Variants in PLP1 observed in about 807,000 individuals in gnomAD.
PLP1 encodes the protein proteolipid protein 1.
PLP1 carries 2 observed loss-of-function variants against 18.5 expected under a neutral mutation model. The ratio of observed to expected loss-of-function variants is 0.11; its 90% CI spans 0.04 to 0.34. PLP1 has a LOEUF of 0.34. Ranked by LOEUF, PLP1 falls within the 10% of genes least tolerant of loss-of-function variation. The probability of loss-of-function intolerance (pLI) is 1.00; values close to 1 mark genes in which losing one functional copy is unlikely to be tolerated. For synonymous variants in PLP1, 86 were observed against 83.2 expected (o/e 1.03, Z -0.19); for missense variants, 105 against 207.3 (o/e 0.51, Z 3.03).
chrX:103,792,348 A>G lies in PLP1; in HGVS notation c.*1750A>G, dbSNP rs183259017. ...AGGGAAAATGTTTTGTAAGAAACCA[A>G]TCAAGATAAAGGACAGTGAAGTAAT... On this transcript the variant is annotated 3_prime_UTR_variant, in exon 7 of 7. Coordinates refer to ENST00000621218, the MANE Select transcript of PLP1 (RefSeq NM_000533.5). 6.2e-5 allele frequency: 7 copies of G among 112,632 alleles called. No homozygotes were observed. Among genetic ancestry groups the G allele is most frequent in the East Asian group, 2.8e-4 (1 of 3,600 alleles). The allele number at this position is 112,632 out of a possible 1,213,427, so 9.3% of individuals were successfully genotyped here. A position where few individuals can be genotyped will look rare whatever the true frequency, so the allele number is the denominator to read the frequency against.
At position 103,790,150 on chromosome X, in the gene PLP1, A is replaced by C. The variant is rs771323991; in HGVS notation, c.763-377A>C. ...ATTAACCAGGGGAGAGCTCTACTGC[A>C]TGATGTGGCTGTGTGTCTACAGCAA... is the stretch of plus-strand genomic sequence containing the variant. On this transcript the variant is annotated intron_variant, in intron 6 of 6. Coordinates refer to ENST00000621218, the MANE Select transcript of PLP1 (RefSeq NM_000533.5). Among the ~76,000 whole-genome samples the C allele has an allele frequency of 5.9e-4, 66 of 112,668 alleles. 1 individual carries two copies. The highest frequency in any genetic ancestry group is 3.2e-4 in the Non-Finnish European group (17 of 53,324).
At chrX:103,777,148 G>A in intron 1 of PLP1, 149 bp downstream of exon 1, 1 of 541,699 alleles carries the variant, frequency 1.8e-6, no homozygotes. Flanking sequence ...CATTCAGTTA[G>A]ATTAACTCCT....
At chrX:103,789,173 C>A in intron 5 of PLP1, 160 bp from the exon 6 acceptor site, 2 of 513,133 alleles carry the variant, frequency 3.9e-6, no homozygotes, top group Non-Finnish European at 7.0e-6. Flanking sequence ...ACACTGAAGA[C>A]TGGGAGGCCC....
intron 1 of PLP1, chrX:103,780,379 C>T (rs182623199): frequency 9.0e-6 from 1 of 111,588 alleles, no homozygotes; most frequent in Admixed American, 9.5e-5. Flanking sequence ...AAAGTCCTAC[C>T]TCAGCTTCCC....
chrX:103,788,974 A>T (rs917213805), intron 5 of PLP1: 1 of 319,431 alleles, frequency 3.1e-6, no homozygotes. Flanking sequence ...TTATATACAA[A>T]TGAGGCAGGG....
intron 6 of PLP1, among the ~76,000 whole-genome samples, chrX:103,790,175 A>C (rs1325972078): frequency 8.9e-6 from 1 of 112,430 alleles, no homozygotes; most frequent in East Asian, 2.8e-4. Context: ...GTCTACAGCA[A>C]GCACCCTATG....
chrX:103,789,108 A>C, intron 5 of PLP1: 1 of 454,017 alleles, frequency 2.2e-6, no homozygotes, highest in South Asian at 3.1e-5. Flanking sequence ...GGAGTACTGT[A>C]CTATTTCATG....
Position 103,787,651 on chromosome X carries a change from G to A in PLP1, c.454-147G>A. On this transcript the variant is annotated intron_variant, in intron 3 of 6. Transcript: ENST00000621218. The stretch of plus-strand genomic sequence containing the variant: ...GATACTGCCAATTACCCTTGGCAGA[G>A]GTGCCCTGCTCACTAATTTCATTTG... The A allele has an allele frequency of 9.2e-6, 5 of 544,006 alleles. No individual in the cohort carries two copies. The South Asian group carries it at 1.2e-4, about 13-fold the overall frequency. The allele number at this position is 544,006 out of a possible 1,213,427, so 44.8% of individuals were successfully genotyped here. A position where few individuals can be genotyped will look rare whatever the true frequency, so the allele number is the denominator to read the frequency against.
chrX:103,785,949 G>A (rs190126062), intron 2 of PLP1, 181 bp downstream of exon 2: 25 of 705,640 alleles, frequency 3.5e-5, no homozygotes, highest in African/African-American at 1.3e-4. Flanking sequence ...TCAGAAAGGA[G>A]GGGTCTGCCT....
chrX:103,785,268 G>T (rs1035295934), intron 1 of PLP1, among the ~76,000 whole-genome samples: 17 of 111,555 alleles, frequency 1.5e-4, no homozygotes, highest in African/African-American at 5.5e-4. Flanking sequence ...GTAGAGACGG[G>T]GTTTTGCCAT....
chrX:103,780,503 A>G (rs17003882), intron 1 of PLP1, among the ~76,000 whole-genome samples: 1,310 of 109,159 alleles, frequency 0.012, 25 homozygotes, highest in African/African-American at 0.042. Flanking sequence ...TATAGGAAAC[A>G]AGATAGTCCA....
In PLP1 at chrX:103,783,490, G is replaced by A. The variant is rs376226964; in HGVS notation, c.5-2092G>A. Among the ~76,000 whole-genome samples the A allele has an allele frequency of 2.3e-4, 26 of 112,374 alleles. No homozygotes were observed. The East Asian group carries it at 7.3e-3, about 31-fold the overall frequency. ...CATCTTTGGTGTGACACTCTTTGAA[G>A]GCCAAGAAAGGGCTGTCATTTCAGG... On this transcript the variant is annotated intron_variant, in intron 1 of 6. Transcript: ENST00000621218.
chrX:103,779,857 G>A (rs187023963), intron 1 of PLP1: 1 of 112,426 alleles, frequency 8.9e-6, no homozygotes, highest in Non-Finnish European at 1.9e-5. Flanking sequence ...AGCCTTGAAA[G>A]CCATCCCCTG....
intron 1 of PLP1, 72 bp from the exon 2 acceptor site, chrX:103,785,510 C>A: frequency 1.1e-6 from 1 of 931,992 alleles, no homozygotes; most frequent in Non-Finnish European, 1.6e-6. Context: ...AGCACAGGGC[C>A]TGGCAGAGGG....
Position 103,786,686 on chromosome X carries a change from T to C in PLP1, c.413T>C (p.Val138Ala), listed in dbSNP as rs2074500188. 8.3e-7 allele frequency: 1 copy of C among 1,210,910 alleles called. No homozygotes were observed. The highest frequency in any genetic ancestry group is 1.1e-6 in the Non-Finnish European group (1 of 895,077). ...GQHQAHSLER[V>A]CHCLGKWLGH... ...CATCAAGCTCATTCTTTGGAGCGGG[T>C]GTGTCATTGTTTGGGAAAATGGCTA... is the stretch of plus-strand genomic sequence containing the variant. The change falls in exon 3 of 7, where the codon GTG becomes GCG. Residue 138 changes from valine to alanine, a missense_variant. By Grantham distance (64) the Val-to-Ala change is moderately conservative. Transcript: ENST00000621218.
At chrX:103,789,105 T>C (rs2074522968) in intron 5 of PLP1, 1 of 444,268 alleles carries the variant, frequency 2.3e-6, no homozygotes, top group African/African-American at 2.4e-5. Flanking sequence ...TTTGGAGTAC[T>C]GTACTATTTC....
chrX:103,787,748 C>T, intron 3 of PLP1, 50 bp from the exon 4 acceptor site: 2 of 1,076,955 alleles, frequency 1.9e-6, no homozygotes, highest in Non-Finnish European at 2.6e-6. Flanking sequence ...TGTGTTTCTA[C>T]ATCTGCAGGC....
chrX:103,785,883 G>A (rs2074491768), intron 2 of PLP1, 115 bp downstream of exon 2: 4 of 760,419 alleles, frequency 5.3e-6, no homozygotes, highest in East Asian at 3.2e-5. Flanking sequence ...GAGCCAGACC[G>A]GATTCCCGAG....
intron 1 of PLP1, among the ~76,000 whole-genome samples, chrX:103,782,560 T>C (rs964130016): frequency 1.8e-5 from 2 of 112,053 alleles, no homozygotes; most frequent in East Asian, 5.6e-4. Flanking sequence ...TTCCCTCTCA[T>C]CTTTGCAACC....
Sources: allele counts gnomAD v4.1 joint callset (sites outside exome capture counted in the v4.1 genomes callset), GRCh38; gene constraint gnomAD v4.1.1; transcripts MANE v1.5; gene names NCBI Gene and HGNC (gene_info 2026-07-23, HGNC 2026-07-21).